The following DNA2 variants were observed in gnomAD, a reference collection of about 807,000 sequenced individuals.
The protein encoded by DNA2 is DNA replication ATP-dependent helicase/nuclease DNA2.
DNA2 carries 101 observed loss-of-function variants against 119.1 expected under a neutral mutation model. The observed-to-expected ratio is 0.85, with a 90% CI of 0.72 to 1.00. DNA2 has a LOEUF of 1.00. Ranked by LOEUF, DNA2 falls within the 50% of genes least tolerant of loss-of-function variation. The pLI is 0.00. For missense variants in DNA2, 1,121 were observed against 1,255.5 expected (o/e 0.89, Z 1.62); for synonymous variants, 366 against 424.4 (o/e 0.86, Z 1.69).
At position 68,432,313 on chromosome 10, in the gene DNA2, T is replaced by C; in HGVS notation, c.1766A>G (p.Lys589Arg). ...GTCAATAATTAAATCTCGAAGTTTT[T>C]TGCTGAAAAGTGAAAAAGCACTTTT... ...SKLMENTFVSKKLRDLIIDFR... is the reference protein window; with the variant it reads ...SKLMENTFVSRKLRDLIIDFR... Residue 589 changes from lysine (K) to arginine (R), a missense_variant and splice_region_variant, in exon 12 of 21, where the codon AAA becomes AGA. By Grantham distance (26) the Lys-to-Arg change is conservative. Coordinates refer to ENST00000358410, the MANE Select transcript of DNA2 (RefSeq NM_001080449.3). 1 of 1,596,542 alleles carries C rather than the reference T, an allele frequency of 6.3e-7. No homozygotes were observed. The highest frequency in any genetic ancestry group is 1.1e-5 in the South Asian group (1 of 87,128).
At chr10:68,466,872 C>G (rs1194993034) in intron 3 of DNA2, among the ~76,000 whole-genome samples, 1 of 152,024 alleles carries the variant, frequency 6.6e-6, no homozygotes, top group Non-Finnish European at 1.5e-5. Flanking sequence ...AGCCACTGCG[C>G]CCGGTCCAAA....
In DNA2 at chr10:68,422,777, G is replaced by T. The variant is rs2051683219; in HGVS notation, c.2322C>A (p.Gly774=). Residue 774 remains glycine, a synonymous_variant, in exon 15 of 21, where the codon GGC becomes GGA. Transcript: ENST00000358410. ...ASQISQPICL[G]PLFFSRRFVL... ...CAAATCTCCGTGAAAAAAAAAGGGG[G>T]CCCAGACAAATTGGTTGGCTAATTT... is the stretch of plus-strand genomic sequence containing the variant. The T allele has an allele frequency of 6.2e-7, 1 of 1,610,884 alleles. No individual in the cohort carries two copies. The highest frequency in any genetic ancestry group is 1.1e-5 in the South Asian group (1 of 90,148).
chr10:68,414,991 G>C lies in DNA2; in HGVS notation c.*48C>G. On this transcript the variant is annotated 3_prime_UTR_variant, in exon 21 of 21. Transcript: ENST00000358410. ...GATAGAATTTTCTGTATGGGCACTA[G>C]CTAGAGGAGATACTGCCCTAGTATG... 1 of 1,224,690 alleles carries C rather than the reference G, an allele frequency of 8.2e-7. No homozygotes were observed. Among genetic ancestry groups the C allele is most frequent in the Non-Finnish European group, 1.2e-6 (1 of 851,188 alleles). The allele number at this position is 1,224,690 out of a possible 1,614,324, so 75.9% of individuals were successfully genotyped here.
intron 9 of DNA2, among the ~76,000 whole-genome samples, chr10:68,441,534 T>C (rs915005305): frequency 4.6e-5 from 7 of 151,952 alleles, no homozygotes; most frequent in African/African-American, 1.7e-4. Flanking sequence ...TCCCATCACT[T>C]TGGGAGGCTG....
chr10:68,457,967 G>A (rs765791899), intron 5 of DNA2, among the ~76,000 whole-genome samples: 1 of 151,884 alleles, frequency 6.6e-6, no homozygotes, highest in Non-Finnish European at 1.5e-5. Context: ...GAGGTCAGGA[G>A]TTCGAGACCA....
chr10:68,422,243 A>T lies in DNA2; in HGVS notation c.2679T>A (p.Cys893Ter). The T allele has an allele frequency of 6.2e-7, 1 of 1,600,286 alleles. No homozygotes were observed. Among genetic ancestry groups the T allele is most frequent in the Non-Finnish European group, 8.5e-7 (1 of 1,175,266 alleles). ...MGVFEPNNPV[C>*]FLNTDKVPAP... ...TTTTTACCTTGTCTGTATTAAGGAA[A>T]CAAACAGGATTGTTGGGTTCAAATA... Residue 893 changes from cysteine (C) to a stop codon, truncating the protein, a stop_gained, in exon 17 of 21, where the codon TGT (cysteine) becomes TGA (stop). Transcript: ENST00000358410. LOFTEE classifies it high-confidence loss of function.
At chr10:68,438,193 C>T (rs1324846300) in intron 9 of DNA2, among the ~76,000 whole-genome samples, 1 of 152,094 alleles carries the variant, frequency 6.6e-6, no homozygotes, top group African/African-American at 2.4e-5. Flanking sequence ...TTACAGAAAA[C>T]AAACCATAAT....
chr10:68,416,048 C>T (rs760049683), intron 20 of DNA2, among the ~76,000 whole-genome samples: 3 of 152,106 alleles, frequency 2.0e-5, no homozygotes, highest in Non-Finnish European at 4.4e-5. Context: ...CGTGGTGGTA[C>T]GTACCTGTGG....
At chr10:68,439,730 C>T (rs1241924093) in intron 9 of DNA2, among the ~76,000 whole-genome samples, 1 of 151,478 alleles carries the variant, frequency 6.6e-6, no homozygotes, top group African/African-American at 2.4e-5. Flanking sequence ...CCAGTTTACT[C>T]GGGAGGCTGA....
chr10:68,462,486 T>C (rs1356579550), intron 4 of DNA2, among the ~76,000 whole-genome samples: 2 of 152,180 alleles, frequency 1.3e-5, no homozygotes, highest in Admixed American at 1.3e-4. Context: ...AAAAGCTCTT[T>C]CCAGTCTTTA....
At chr10:68,469,423 A>C (rs927498893) in intron 2 of DNA2, among the ~76,000 whole-genome samples, 1 of 150,504 alleles carries the variant, frequency 6.6e-6, no homozygotes, top group South Asian at 2.1e-4. Context: ...ATGTACTGGG[A>C]AATAGGAAGT....
intron 8 of DNA2, 38 bp from the exon 9 acceptor site, chr10:68,443,149 C>A: frequency 6.6e-7 from 1 of 1,506,890 alleles, no homozygotes; most frequent in Non-Finnish European, 8.9e-7. Context: ...GCTTATAAAC[C>A]ATTTCCCTGG....
At chr10:68,454,918 A>G (rs2052164375) in intron 5 of DNA2, among the ~76,000 whole-genome samples, 1 of 149,496 alleles carries the variant, frequency 6.7e-6, no homozygotes, top group African/African-American at 2.5e-5. Flanking sequence ...AATAATTAGG[A>G]GCAGTTGAAG....
intron 17 of DNA2, among the ~76,000 whole-genome samples, chr10:68,421,853 C>T (rs2051669720): frequency 6.6e-6 from 1 of 151,970 alleles, no homozygotes; most frequent in Non-Finnish European, 1.5e-5. Context: ...CTTGCTCTGT[C>T]ACCCAGGCTG....
At chr10:68,429,711 CAA>C (rs1165329779) in intron 14 of DNA2, among the ~76,000 whole-genome samples, 347 of 40,402 alleles carry the variant, frequency 8.6e-3, no homozygotes, top group African/African-American at 0.03. Context: ...GACTCCATCT[CAA>C]AAAAAAAAAA....
chr10:68,453,793 T>C (rs940903499), intron 5 of DNA2, among the ~76,000 whole-genome samples: 8 of 152,218 alleles, frequency 5.3e-5, no homozygotes, highest in Non-Finnish European at 1.2e-4. Context: ...GTAGGCGCTC[T>C]ACCATCTAGG....
upstream of DNA2, chr10:68,472,243 C>G (rs2052392546): frequency 8.5e-7 from 1 of 1,181,686 alleles, no homozygotes; most frequent in Admixed American, 4.0e-5. Flanking sequence ...TACAGGCGCC[C>G]AGCTTAGTTT....
At chr10:68,443,825 C>T (rs767333173) in intron 8 of DNA2, among the ~76,000 whole-genome samples, 8 of 151,864 alleles carry the variant, frequency 5.3e-5, no homozygotes, top group Non-Finnish European at 1.0e-4. Flanking sequence ...GTGGCGGATG[C>T]CTGTAGTCCC....
At chr10:68,467,747 C>G (rs2052344117) in intron 3 of DNA2, among the ~76,000 whole-genome samples, 1 of 152,114 alleles carries the variant, frequency 6.6e-6, no homozygotes, top group Non-Finnish European at 1.5e-5. Flanking sequence ...TTTTTAAAAG[C>G]AGTTTGCACA....
Sources: allele counts gnomAD v4.1 joint callset (sites outside exome capture counted in the v4.1 genomes callset), GRCh38; gene constraint gnomAD v4.1.1; transcripts MANE v1.5; gene names NCBI Gene and HGNC (gene_info 2026-07-23, HGNC 2026-07-21).